BRD8: variants seen among roughly 807,000 people sequenced by gnomAD.
BRD8 encodes the protein bromodomain-containing protein 8.
BRD8 carries 67 observed loss-of-function variants against 143.1 expected under a neutral mutation model. The observed-to-expected ratio is 0.47, with a 90% CI of 0.38 to 0.57. The LOEUF is 0.57. Ranked by LOEUF, BRD8 falls within the 20% of genes least tolerant of loss-of-function variation. The probability of loss-of-function intolerance (pLI) is 0.00; values close to 1 mark genes in which losing one functional copy is unlikely to be tolerated. For synonymous variants in BRD8, 505 were observed against 517.1 expected (o/e 0.98, Z 0.32); for missense variants, 1,103 against 1,503.0 (o/e 0.73, Z 4.40).
chr5:138,153,673 C>CTTTTTT (rs67848204), intron 20 of BRD8, among the ~76,000 whole-genome samples: 30 of 107,340 alleles, frequency 2.8e-4, no homozygotes, highest in African/African-American at 5.0e-4. Flanking sequence ...CTTTTCTTTT[C>CTTTTTT]TTTTTTTTTT....
intron 22 of BRD8, 83 bp from the exon 23 acceptor site, chr5:138,149,880 C>T (rs1175481519): frequency 2.6e-5 from 36 of 1,396,140 alleles, no homozygotes; most frequent in Non-Finnish European, 2.7e-5. Context: ...TAAATGAAGG[C>T]TGCCCTTAAG....
intron 20 of BRD8, among the ~76,000 whole-genome samples, chr5:138,154,837 T>G (rs201385572): frequency 6.7e-6 from 1 of 149,592 alleles, no homozygotes. Context: ...TAACTTTTTT[T>G]TTTTTTTTTT....
chr5:138,169,914 G>A (rs1035383245), intron 7 of BRD8, among the ~76,000 whole-genome samples: 7 of 152,188 alleles, frequency 4.6e-5, no homozygotes, highest in East Asian at 3.8e-4. Context: ...ACCCAAGATC[G>A]CGCCACTGCA....
intron 2 of BRD8, among the ~76,000 whole-genome samples, chr5:138,176,597 G>A (rs1754355068): frequency 6.6e-6 from 1 of 152,028 alleles, no homozygotes; most frequent in African/African-American, 2.4e-5. Flanking sequence ...TTAATAGAAA[G>A]TAGATGAGTG....
rs1751836565 is a variant in BRD8, at chr5:138,139,847, GGAACAAA to G, written c.*220_*226del. Reference sequence around the variant, plus strand: ...GGAATTGTCTTTAAATCAAGCCGATGGAACAAAGATGTGGGCAACATTTATGGCATAA... The same window carrying G: ...GGAATTGTCTTTAAATCAAGCCGATGGATGTGGGCAACATTTATGGCATAA... On this transcript the variant is annotated 3_prime_UTR_variant, in exon 27 of 27. Coordinates refer to ENST00000254900, the MANE Select transcript of BRD8 (RefSeq NM_139199.2). 2.0e-6 allele frequency: 1 copy of G among 508,404 alleles called. No individual in the cohort carries two copies. 31.5% of individuals were successfully genotyped at this position (508,404 alleles called of 1,614,324 possible).
chr5:138,170,443 G>A lies in BRD8; in HGVS notation c.441-34C>T, dbSNP rs372301373. The A allele has an allele frequency of 1.6e-5, 25 of 1,612,402 alleles. No homozygotes were observed. The African/African-American group carries it at 3.3e-4, about 22-fold the overall frequency. On this transcript the variant is annotated intron_variant, in intron 6 of 26. Coordinates refer to ENST00000254900, the MANE Select transcript of BRD8 (RefSeq NM_139199.2). ...GGAATTAAGGGTTAGATGCTAGACA[G>A]CTCTGGCTCCTCCCCAGAGTTCACA...
chr5:138,177,317 G>A, intron 2 of BRD8: 1 of 263,322 alleles, frequency 3.8e-6, no homozygotes, highest in South Asian at 4.3e-5. Flanking sequence ...ATCACCTGAG[G>A]TCAGGAGTTC....
chr5:138,149,319 A>G (rs1239730442), intron 23 of BRD8, among the ~76,000 whole-genome samples: 2 of 151,708 alleles, frequency 1.3e-5, no homozygotes, highest in South Asian at 2.1e-4. Flanking sequence ...TGGTCTCCCT[A>G]TGTTGCCCAG....
In BRD8 at chr5:138,140,809, C is replaced by A. The variant is rs1177001321; in HGVS notation, c.3511G>T (p.Asp1171Tyr). 1 of 1,614,150 alleles carries A rather than the reference C, an allele frequency of 6.2e-7. No homozygotes were observed. Among genetic ancestry groups the A allele is most frequent in the Non-Finnish European group, 8.5e-7 (1 of 1,180,036 alleles). Residue 1171 changes from aspartate to tyrosine, a missense_variant, in exon 26 of 27, where the codon GAC (aspartate) becomes TAC (tyrosine). This residue lies in a region of BRD8 where 369 missense variants were observed against 445.5 expected (regional missense o/e 0.83). Coordinates refer to ENST00000254900, the MANE Select transcript of BRD8 (RefSeq NM_139199.2). ...RIRTMAQFLR[D>Y]LMLMFQNAVM... ...GCATTTTGGAACATCAGCATCAGGT[C>A]TCGCAGGAATTGGGCCATGGTGCGA...
At chr5:138,171,978 G>T in intron 3 of BRD8, 87 bp downstream of exon 3, 2 of 970,746 alleles carry the variant, frequency 2.1e-6, no homozygotes, top group Non-Finnish European at 3.3e-6. Context: ...TGGTATAAAA[G>T]CTTTGTAACT....
chr5:138,155,995 T>C (rs1412061889), intron 20 of BRD8, among the ~76,000 whole-genome samples: 1 of 151,762 alleles, frequency 6.6e-6, no homozygotes, highest in Non-Finnish European at 1.5e-5. Context: ...CAGCCACAGC[T>C]TCCCGAGTAG....
intron 2 of BRD8, among the ~76,000 whole-genome samples, chr5:138,175,855 A>C (rs908460952): frequency 7.2e-6 from 1 of 138,862 alleles, no homozygotes; most frequent in African/African-American, 2.7e-5. Context: ...CAGAGGTTGC[A>C]GTGAACCACG....
intron 2 of BRD8, among the ~76,000 whole-genome samples, chr5:138,174,862 TG>T (rs1343249915): frequency 6.6e-6 from 1 of 151,822 alleles, no homozygotes; most frequent in African/African-American, 2.4e-5. Flanking sequence ...CTAGACTTCC[TG>T]TATGTGTGAC....
In BRD8 at chr5:138,165,927, T is replaced by A. The variant is rs1027145587; in HGVS notation, c.1179A>T (p.Glu393Asp). 3 of 1,614,128 alleles carry A rather than the reference T, an allele frequency of 1.9e-6. No individual in the cohort carries two copies. The highest frequency in any genetic ancestry group is 1.3e-5 in the African/African-American group (1 of 74,948). Reference sequence around the variant, plus strand: ...TATCCATCTTCTCAGCCAGATCTAATTCTTCCTTCCCATCTATGCTGGGAG... The same window carrying A: ...TATCCATCTTCTCAGCCAGATCTAAATCTTCCTTCCCATCTATGCTGGGAG... ...SKAPSIDGKEELDLAEKMDIA... is the reference protein window; with the variant it reads ...SKAPSIDGKEDLDLAEKMDIA... Residue 393 changes from glutamate to aspartate, a missense_variant, in exon 11 of 27, where the codon GAA (glutamate) becomes GAT (aspartate). By Grantham distance (45) the Glu-to-Asp change is conservative (BLOSUM62 2). Around this residue, in one of 7 missense-constraint regions of BRD8, gnomAD observed 334 missense variants for 372.5 expected, o/e 0.90. Transcript: ENST00000254900.
rs1365864883 is a variant in BRD8, at chr5:138,161,080, G to A, written c.2250-12C>T. The A allele has an allele frequency of 1.9e-6, 3 of 1,598,308 alleles. No homozygotes were observed. The highest frequency in any genetic ancestry group is 2.6e-6 in the Non-Finnish European group (3 of 1,170,996). On this transcript the variant is annotated splice_polypyrimidine_tract_variant and intron_variant, in intron 17 of 26. Transcript: ENST00000254900. ...ACAAATCCATAGGCCTAAAAAAAAA[G>A]AACAGGGGTAAGTAGCAGTGGGGAT...
Position 138,166,743 on chromosome 5 carries a change from G to T in BRD8, c.788-16C>A. 6.7e-7 allele frequency: 1 copy of T among 1,501,810 alleles called. No homozygotes were observed. The highest frequency in any genetic ancestry group is 9.3e-7 in the Non-Finnish European group (1 of 1,080,160). The allele number at this position is 1,501,810 out of a possible 1,614,324, so 93.0% of individuals were successfully genotyped here. ...GTGGGAGCACCTAACATATAAAGAG[G>T]TACACAAAATGAAGTAAGAAGAAAG... On this transcript the variant is annotated splice_polypyrimidine_tract_variant and intron_variant, in intron 9 of 26. Coordinates refer to ENST00000254900, the MANE Select transcript of BRD8 (RefSeq NM_139199.2).
Position 138,169,241 on chromosome 5 carries a change from A to T in BRD8, c.623T>A (p.Met208Lys), listed in dbSNP as rs1198499774. 1.2e-6 allele frequency: 2 copies of T among 1,613,910 alleles called. No homozygotes were observed. Among genetic ancestry groups the T allele is most frequent in the African/African-American group, 2.7e-5 (2 of 74,926 alleles). ...ACTCACCCCAGAGGTAGCCTCTTCC[A>T]TAGTGGTTGGAGTCAAGTCCCCAAG... is the stretch of plus-strand genomic sequence containing the variant. ...YPLGDLTPTTMEEATSGVNES... is the reference protein window; with the variant it reads ...YPLGDLTPTTKEEATSGVNES... The change falls in exon 8 of 27, where the codon ATG becomes AAG. Residue 208 changes from methionine to lysine, a missense_variant. By Grantham distance (95) the Met-to-Lys change is moderately conservative. Around this residue, in one of 7 missense-constraint regions of BRD8, gnomAD observed 334 missense variants for 372.5 expected, o/e 0.90. Coordinates refer to ENST00000254900, the MANE Select transcript of BRD8 (RefSeq NM_139199.2).
intron 2 of BRD8, among the ~76,000 whole-genome samples, chr5:138,173,971 C>A (rs1441824442): frequency 6.6e-6 from 1 of 152,138 alleles, no homozygotes; most frequent in East Asian, 1.9e-4. Flanking sequence ...GCCATTGCAC[C>A]CAGCCCCATT....
At chr5:138,143,497 T>C (rs1239878179) in intron 25 of BRD8, among the ~76,000 whole-genome samples, 1 of 151,924 alleles carries the variant, frequency 6.6e-6, no homozygotes. Flanking sequence ...AAATAAAAAA[T>C]AAAAATAAAA....
Sources: gnomAD v4.1 joint callset for allele counts (sites outside exome capture counted in the v4.1 genomes callset) on GRCh38, gnomAD v4.1.1 for gene constraint, gnomAD v4.1.1 regional missense constraint, MANE v1.5 for transcripts, NCBI Gene and HGNC (gene_info 2026-07-23, HGNC 2026-07-21) for gene names.